Variants in SLC6A15 observed in about 807,000 individuals in gnomAD.
SLC6A15 encodes the protein solute carrier family 6 member 15.
In SLC6A15, 33 loss-of-function variants were observed where a neutral mutation model predicts 68.5. The observed-to-expected ratio is 0.48, with a 90% confidence interval of 0.37 to 0.64. The LOEUF (loss-of-function observed/expected upper bound fraction) is 0.64. Ranked by LOEUF, SLC6A15 falls within the 30% of genes least tolerant of loss-of-function variation. The pLI is 0.00. For missense variants in SLC6A15, 747 were observed against 874.3 expected, an observed-to-expected ratio of 0.85 and a Z score of 1.84; for synonymous variants, 347 against 301.0, an observed-to-expected ratio of 1.15 and a Z score of -1.58.
intron 5 of SLC6A15, chr12:84,882,232 G>C: frequency 5.1e-6 from 5 of 985,210 alleles, no homozygotes; most frequent in Non-Finnish European, 6.0e-6. Context: ...TATTATGTTA[G>C]GAATCATATA....
chr12:84,877,476 A>G (rs1871602546), intron 5 of SLC6A15, among the ~76,000 whole-genome samples: 1 of 152,256 alleles, frequency 6.6e-6, no homozygotes, highest in African/African-American at 2.4e-5. Context: ...TCTGGCCTGC[A>G]AAGTCTTACC....
chr12:84,902,582 A>T (rs753814000), intron 1 of SLC6A15, among the ~76,000 whole-genome samples: 64 of 152,092 alleles, frequency 4.2e-4, no homozygotes, highest in Middle Eastern at 3.2e-3. Context: ...AATAGAAAAA[A>T]AATGGAAACT....
chr12:84,901,379 C>G (rs1260384132), intron 1 of SLC6A15, among the ~76,000 whole-genome samples: 2 of 151,710 alleles, frequency 1.3e-5, no homozygotes, highest in African/African-American at 2.4e-5. Flanking sequence ...AGGTGCCAAA[C>G]TCATTGCCCT....
chr12:84,866,181 G>A (rs960709258), intron 10 of SLC6A15, among the ~76,000 whole-genome samples: 3 of 152,078 alleles, frequency 2.0e-5, no homozygotes, highest in Admixed American at 6.5e-5. Context: ...ACTTTACATA[G>A]GGCTGTAATG....
In SLC6A15 at chr12:84,873,274, A is replaced by G. The variant is rs1871369331; in HGVS notation, c.922T>C (p.Phe308Leu). 6.2e-7 allele frequency: 1 copy of G among 1,614,150 alleles called. No homozygotes were observed. The highest frequency in any genetic ancestry group is 1.7e-5 in the Admixed American group (1 of 60,028). ...VWREAATQVF[F>L]ALGLGFGGVI... Reference sequence around the variant, plus strand: ...CCACCAAATCCCAGACCTAAGGCAAAGAACACTTGAGTAGCAGCTTCTCTC... The same window carrying G: ...CCACCAAATCCCAGACCTAAGGCAAGGAACACTTGAGTAGCAGCTTCTCTC... Residue 308 changes from phenylalanine to leucine, a missense_variant, in exon 7 of 12, where the codon TTT (phenylalanine) becomes CTT (leucine). Transcript: ENST00000266682.
chr12:84,892,300 T>G lies in SLC6A15; in HGVS notation c.-180A>C, dbSNP rs1872445453. ...TTCTGAATCCGTATGTCCAGTATTC[T>G]GTAGGTACCTGTAAAATTATAAGTT... is the stretch of plus-strand genomic sequence containing the variant. On this transcript the variant is annotated 5_prime_UTR_variant, in exon 2 of 12. Transcript: ENST00000266682. 2.0e-6 allele frequency: 1 copy of G among 499,748 alleles called. No individual in the cohort carries two copies. The highest frequency in any genetic ancestry group is 2.0e-5 in the African/African-American group (1 of 50,834). 31.0% of individuals were successfully genotyped at this position (499,748 alleles called of 1,614,324 possible).
chr12:84,910,257 A>T (rs1304421314), intron 1 of SLC6A15, among the ~76,000 whole-genome samples: 1 of 152,170 alleles, frequency 6.6e-6, no homozygotes, highest in Non-Finnish European at 1.5e-5. Flanking sequence ...ACAGTAAAAG[A>T]TTATCTTTCT....
chr12:84,863,841 T>G (rs907087277), intron 10 of SLC6A15, among the ~76,000 whole-genome samples: 5 of 151,964 alleles, frequency 3.3e-5, no homozygotes, highest in African/African-American at 1.2e-4. Context: ...TACTGATAAC[T>G]TTCTATTCTA....
chr12:84,897,935 G>A (rs1251406506), intron 1 of SLC6A15, among the ~76,000 whole-genome samples: 1 of 152,114 alleles, frequency 6.6e-6, no homozygotes, highest in East Asian at 1.9e-4. Flanking sequence ...ATGTGCAGGG[G>A]ACAATTGTGA....
At chr12:84,897,565 A>G (rs1872681763) in intron 1 of SLC6A15, among the ~76,000 whole-genome samples, 2 of 152,148 alleles carry the variant, frequency 1.3e-5, no homozygotes. Flanking sequence ...TTCAAGCAGA[A>G]GTAGAAAGAT....
At chr12:84,909,291 A>G (rs1007222674) in intron 1 of SLC6A15, among the ~76,000 whole-genome samples, 1 of 152,216 alleles carries the variant, frequency 6.6e-6, no homozygotes, top group African/African-American at 2.4e-5. Flanking sequence ...AAGATACCTT[A>G]GCACATTAAT....
At chr12:84,884,846 T>G (rs1872008289) in intron 4 of SLC6A15, among the ~76,000 whole-genome samples, 1 of 152,078 alleles carries the variant, frequency 6.6e-6, no homozygotes, top group African/African-American at 2.4e-5. Context: ...AATTATATAT[T>G]GAAATAGTAT....
intron 11 of SLC6A15, among the ~76,000 whole-genome samples, chr12:84,862,763 G>C (rs1408691524): frequency 1.3e-5 from 2 of 151,990 alleles, no homozygotes; most frequent in Non-Finnish European, 2.9e-5. Context: ...CATAGAATCT[G>C]GGATACAATT....
chr12:84,911,139 T>C (rs1248322139), intron 1 of SLC6A15, among the ~76,000 whole-genome samples: 2 of 152,284 alleles, frequency 1.3e-5, no homozygotes, highest in East Asian at 3.9e-4. Context: ...GTTGGGGCTG[T>C]GTCTGCACAT....
At chr12:84,894,609 T>C (rs1872557383) in intron 1 of SLC6A15, among the ~76,000 whole-genome samples, 1 of 152,146 alleles carries the variant, frequency 6.6e-6, no homozygotes, top group Non-Finnish European at 1.5e-5. Context: ...TTACGGAAAA[T>C]ACTATATCTC....
intron 10 of SLC6A15, among the ~76,000 whole-genome samples, chr12:84,864,476 C>T (rs1046093020): frequency 2.0e-5 from 3 of 151,788 alleles, no homozygotes; most frequent in East Asian, 1.9e-4. Flanking sequence ...ACCACCATCA[C>T]GCCCGGCTGA....
At chr12:84,869,754 A>G (rs941256373) in intron 9 of SLC6A15, among the ~76,000 whole-genome samples, 2 of 152,128 alleles carry the variant, frequency 1.3e-5, no homozygotes, top group East Asian at 3.9e-4. Flanking sequence ...TTGAATTCTT[A>G]TATGTAAAAT....
In SLC6A15 at chr12:84,872,745, C is replaced by G; in HGVS notation, c.1159G>C (p.Asp387His). The G allele has an allele frequency of 6.2e-7, 1 of 1,611,656 alleles. No homozygotes were observed. Among genetic ancestry groups the G allele is most frequent in the Non-Finnish European group, 8.5e-7 (1 of 1,179,464 alleles). The change falls in exon 8 of 12, where the codon GAT (aspartate) becomes CAT (histidine). Residue 387 changes from aspartate (D) to histidine (H), a missense_variant. By Grantham distance (81) the Asp-to-His change is moderately conservative. Coordinates refer to ENST00000266682, the MANE Select transcript of SLC6A15 (RefSeq NM_182767.6). ...KFLKMGNISQ[D>H]IIPHHINLST... ...AGGTTGATATGATGGGGAATAATAT[C>G]CTGACTAATGTTCCCCATTTTCAAA...
chr12:84,911,618 A>G (rs1214270257), intron 1 of SLC6A15, among the ~76,000 whole-genome samples: 1 of 152,210 alleles, frequency 6.6e-6, no homozygotes, highest in Non-Finnish European at 1.5e-5. Flanking sequence ...TGGGTGGGTC[A>G]TGCCTGTTCC....
Sources: gnomAD v4.1 joint callset for allele counts (sites outside exome capture counted in the v4.1 genomes callset) on GRCh38, gnomAD v4.1.1 for gene constraint, MANE v1.5 for transcripts, NCBI Gene and HGNC (gene_info 2026-07-23, HGNC 2026-07-21) for gene names.